The following RAI14 variants were observed in gnomAD, a reference collection of about 807,000 sequenced individuals.
The protein encoded by RAI14 is ankycorbin.
A neutral mutation model predicts 115.4 loss-of-function variants in RAI14; 45 were observed. The observed-to-expected ratio is 0.39, with a 90% CI of 0.31 to 0.50. The LOEUF (loss-of-function observed/expected upper bound fraction) is 0.50. Ranked by LOEUF, RAI14 falls within the 20% of genes least tolerant of loss-of-function variation. The pLI is 0.85. For synonymous variants in RAI14, 371 were observed against 415.4 expected (o/e 0.89, Z 1.30); for missense variants, 939 against 1,131.2 (o/e 0.83, Z 2.44).
At chr5:34,674,337 C>T (rs1743823690) in intron 1 of RAI14, among the ~76,000 whole-genome samples, 4 of 152,134 alleles carry the variant, frequency 2.6e-5, no homozygotes, top group African/African-American at 2.4e-5. Context: ...GACACCACTG[C>T]GATCATTGTA....
chr5:34,657,241 G>A (rs906763141), intron 1 of RAI14: 3 of 148,872 alleles, frequency 2.0e-5, no homozygotes, highest in Non-Finnish European at 4.4e-5. Context: ...TGCCTGGTGG[G>A]GGGTGGGGGG....
chr5:34,726,288 T>G (rs1580046133), intron 2 of RAI14, among the ~76,000 whole-genome samples: 1 of 152,140 alleles, frequency 6.6e-6, no homozygotes, highest in African/African-American at 2.4e-5. Flanking sequence ...TTTAATTGAC[T>G]CATAGTTCCA....
intron 3 of RAI14, among the ~76,000 whole-genome samples, chr5:34,779,885 G>A (rs958277366): frequency 6.6e-6 from 1 of 152,174 alleles, no homozygotes. Context: ...AAGTTCATAA[G>A]GAACCAAAAA....
At chr5:34,742,640 T>G (rs1745655510) in intron 2 of RAI14, among the ~76,000 whole-genome samples, 2 of 152,028 alleles carry the variant, frequency 1.3e-5, no homozygotes, top group African/African-American at 4.8e-5. Flanking sequence ...TACTGCAGTT[T>G]GCTGTTTTTT....
chr5:34,686,866 G>A lies in RAI14; in HGVS notation c.-48-6G>A. 6.4e-7 allele frequency: 1 copy of A among 1,569,984 alleles called. No homozygotes were observed. Among genetic ancestry groups the A allele is most frequent in the Non-Finnish European group, 8.7e-7 (1 of 1,143,960 alleles). Reference sequence around the variant, plus strand: ...ACCTACATATGTCCTTTTTTTCTCTGCTTAGGTGTTGAAAAGTCTCCTCTA... The same window carrying A: ...ACCTACATATGTCCTTTTTTTCTCTACTTAGGTGTTGAAAAGTCTCCTCTA... On this transcript the variant is annotated splice_polypyrimidine_tract_variant and splice_region_variant and intron_variant, in intron 1 of 17. Transcript: ENST00000265109.
At chr5:34,682,416 C>CT (rs951895074) in intron 1 of RAI14, among the ~76,000 whole-genome samples, 1 of 151,510 alleles carries the variant, frequency 6.6e-6, no homozygotes, top group Non-Finnish European at 1.5e-5. Flanking sequence ...AGAAGTTTAA[C>CT]TTTTTTGTTT....
intron 2 of RAI14, chr5:34,687,447 A>C (rs1432414785): frequency 1.2e-6 from 1 of 802,338 alleles, no homozygotes; most frequent in Middle Eastern, 4.1e-4. Context: ...CCTCCCCCCG[A>C]ATTCCAGGGA....
At chr5:34,729,029 G>T (rs1743837918) in intron 2 of RAI14, among the ~76,000 whole-genome samples, 1 of 152,122 alleles carries the variant, frequency 6.6e-6, no homozygotes, top group South Asian at 2.1e-4. Flanking sequence ...ATGAGTGAGG[G>T]CATCGATAAA....
At chr5:34,691,969 A>G (rs1179737584) in intron 2 of RAI14, among the ~76,000 whole-genome samples, 1 of 152,222 alleles carries the variant, frequency 6.6e-6, no homozygotes, top group Non-Finnish European at 1.5e-5. Context: ...GCCTATTAAG[A>G]TAACAGTTGG....
At chr5:34,660,927 C>T (rs565262204) in intron 1 of RAI14, among the ~76,000 whole-genome samples, 4 of 152,248 alleles carry the variant, frequency 2.6e-5, no homozygotes, top group East Asian at 1.9e-4. Context: ...TTCTCTTAGA[C>T]GTCTACATGG....
rs1394988103 is a variant in RAI14, at chr5:34,799,607, G to A, written c.256+3580G>A. 2.0e-5 allele frequency among the ~76,000 whole-genome samples: 3 copies of A among 150,316 alleles called. No individual in the cohort carries two copies. In the East Asian group the frequency reaches 5.8e-4, roughly 29 times the overall value. ...TTTTTATCCATGATTAATGTCTTCA[G>A]GATGGTCAAATTGGTATAATTTCCT... On this transcript the variant is annotated intron_variant, in intron 4 of 17. Transcript: ENST00000265109.
chr5:34,751,402 C>T (rs1489744996), intron 2 of RAI14, among the ~76,000 whole-genome samples: 1 of 152,154 alleles, frequency 6.6e-6, no homozygotes, highest in African/African-American at 2.4e-5. Context: ...CTCGGCCTCC[C>T]AAAGTGTTGG....
intron 3 of RAI14, among the ~76,000 whole-genome samples, chr5:34,772,337 T>A (rs1370433760): frequency 6.6e-6 from 1 of 152,196 alleles, no homozygotes. Flanking sequence ...TTGGGCAAGT[T>A]ATTAAGTTAG....
chr5:34,745,967 T>C (rs1746130529), intron 2 of RAI14, among the ~76,000 whole-genome samples: 1 of 152,082 alleles, frequency 6.6e-6, no homozygotes, highest in Non-Finnish European at 1.5e-5. Context: ...TCTTCCTCTT[T>C]ACTATTTCAG....
chr5:34,773,276 C>T, intron 3 of RAI14, among the ~76,000 whole-genome samples: 1 of 152,116 alleles, frequency 6.6e-6, no homozygotes, highest in East Asian at 1.9e-4. Flanking sequence ...GGATTCAAGA[C>T]TTAAATGTAA....
intron 2 of RAI14, among the ~76,000 whole-genome samples, chr5:34,746,773 C>G (rs966746389): frequency 6.6e-6 from 1 of 152,124 alleles, no homozygotes; most frequent in Non-Finnish European, 1.5e-5. Context: ...TAAAAAGTTC[C>G]TGATATGTCT....
chr5:34,663,629 T>A (rs1742871589), intron 1 of RAI14, among the ~76,000 whole-genome samples: 1 of 152,196 alleles, frequency 6.6e-6, no homozygotes, highest in Non-Finnish European at 1.5e-5. Flanking sequence ...GTTCTTCAAT[T>A]TTATATTCTA....
intron 2 of RAI14, among the ~76,000 whole-genome samples, chr5:34,757,054 G>A (rs1215061445): frequency 6.6e-6 from 1 of 152,176 alleles, no homozygotes; most frequent in African/African-American, 2.4e-5. Context: ...GTAACCTTGA[G>A]CTGCTGGTTT....
intron 3 of RAI14, among the ~76,000 whole-genome samples, chr5:34,767,015 C>G (rs1002960558): frequency 6.6e-6 from 1 of 152,110 alleles, no homozygotes; most frequent in South Asian, 2.1e-4. Context: ...GTAAGAAGTG[C>G]CTTTCACCTC....
Sources: allele counts gnomAD v4.1 joint callset (sites outside exome capture counted in the v4.1 genomes callset), GRCh38; gene constraint gnomAD v4.1.1; transcripts MANE v1.5; gene names NCBI Gene and HGNC (gene_info 2026-07-23, HGNC 2026-07-21).